SGCD: variants seen among roughly 807,000 people sequenced by gnomAD.
SGCD encodes the protein delta-sarcoglycan.
SGCD carries 18 observed loss-of-function variants against 36.6 expected under a neutral mutation model. The observed-to-expected ratio is 0.49, with a 90% confidence interval of 0.34 to 0.73. The LOEUF is 0.73. Among genes scored for constraint, SGCD ranks in the 30% least tolerant of loss-of-function variants. SGCD has a pLI of 0.01. For missense variants in SGCD, 387 were observed against 346.7 expected (o/e 1.12, Z -0.92); for synonymous variants, 133 against 130.6 (o/e 1.02, Z -0.12).
chr5:156,759,403 A>T lies in SGCD; in HGVS notation c.*13A>T. The T allele has an allele frequency of 1.3e-6, 2 of 1,582,116 alleles. No individual in the cohort carries two copies. The highest frequency in any genetic ancestry group is 1.7e-6 in the Non-Finnish European group (2 of 1,159,672). On this transcript the variant is annotated 3_prime_UTR_variant, in exon 9 of 9. Coordinates refer to ENST00000337851, the MANE Select transcript of SGCD (RefSeq NM_000337.6). ...TGTCTGCCTCTGAAAGACTATCCATAGTGGACATTGTTGGCAGCATAAAGG... is the reference window on the plus strand; with the variant it reads ...TGTCTGCCTCTGAAAGACTATCCATTGTGGACATTGTTGGCAGCATAAAGG...
chr5:156,169,706 C>T (rs1763297584), intron 3 of SGCD, among the ~76,000 whole-genome samples: 1 of 152,122 alleles, frequency 6.6e-6, no homozygotes, highest in African/African-American at 2.4e-5. Flanking sequence ...GTGACATCAG[C>T]AAGTGAGTTC....
At chr5:156,377,409 AAC>A (rs1770726900) in intron 3 of SGCD, among the ~76,000 whole-genome samples, 2 of 152,334 alleles carry the variant, frequency 1.3e-5, no homozygotes, top group Admixed American at 1.3e-4. Context: ...GTATTCTCAC[AAC>A]ACACTATGTT....
intron 7 of SGCD, among the ~76,000 whole-genome samples, chr5:156,686,799 A>C (rs1231414510): frequency 1.3e-5 from 2 of 152,198 alleles, no homozygotes; most frequent in Non-Finnish European, 2.9e-5. Flanking sequence ...GAAATTCTAT[A>C]GGCAAAGCCA....
chr5:156,083,038 A>G (rs774478172), intron 1 of SGCD, among the ~76,000 whole-genome samples: 5 of 151,886 alleles, frequency 3.3e-5, no homozygotes, highest in Non-Finnish European at 7.4e-5. Context: ...ACATCTTTTC[A>G]TATGCTTATC....
chr5:156,491,825 A>G (rs1272766211), intron 3 of SGCD, among the ~76,000 whole-genome samples: 1 of 152,150 alleles, frequency 6.6e-6, no homozygotes, highest in Non-Finnish European at 1.5e-5. Context: ...AGCAAGATCA[A>G]GATTACCCTG....
At chr5:156,148,010 A>T (rs1010502890) in intron 3 of SGCD, among the ~76,000 whole-genome samples, 5 of 152,240 alleles carry the variant, frequency 3.3e-5, no homozygotes, top group Non-Finnish European at 7.3e-5. Context: ...AAATGGTGCC[A>T]CTTGCACTTT....
the SGCD span, among the ~76,000 whole-genome samples, chr5:155,832,796 A>G: frequency 5.9e-5 from 9 of 151,290 alleles, no homozygotes; most frequent in Admixed American, 4.6e-4. Context: ...TATTTTGAAT[A>G]GCATTTTAAA....
At chr5:156,067,712 G>A (rs1439079526) in intron 1 of SGCD, among the ~76,000 whole-genome samples, 5 of 127,896 alleles carry the variant, frequency 3.9e-5, no homozygotes, top group African/African-American at 8.1e-5. Flanking sequence ...TTCCAGGTGC[G>A]ACCATCACCC....
intron 3 of SGCD, among the ~76,000 whole-genome samples, chr5:156,299,320 C>T (rs368140630): frequency 6.6e-6 from 1 of 152,234 alleles, no homozygotes; most frequent in South Asian, 2.1e-4. Context: ...TATGCCAGTA[C>T]CATGCCAATT....
intron 7 of SGCD, among the ~76,000 whole-genome samples, chr5:156,675,374 G>T (rs1485006482): frequency 6.6e-6 from 1 of 152,194 alleles, no homozygotes; most frequent in East Asian, 1.9e-4. Context: ...ACTGGTCCCA[G>T]TGACCAATAA....
chr5:155,946,376 G>T (rs1185621846), intron 1 of SGCD, among the ~76,000 whole-genome samples: 5 of 152,134 alleles, frequency 3.3e-5, no homozygotes, highest in African/African-American at 1.2e-4. Context: ...GGCAGAGACT[G>T]AATTTGAAAC....
chr5:156,530,505 G>A (rs1388060354), intron 4 of SGCD, among the ~76,000 whole-genome samples: 3 of 151,560 alleles, frequency 2.0e-5, no homozygotes, highest in African/African-American at 4.8e-5. Flanking sequence ...GTATTGTCTT[G>A]CCATGTGAAT....
At chr5:156,339,356 T>G (rs906705679) in intron 2 of SGCD, among the ~76,000 whole-genome samples, 2 of 152,230 alleles carry the variant, frequency 1.3e-5, no homozygotes, top group Non-Finnish European at 2.9e-5. Context: ...TGCTTTGGAT[T>G]TAAGCCTGCT....
At chr5:155,994,034 A>G (rs1025042302) in intron 1 of SGCD, among the ~76,000 whole-genome samples, 2 of 152,210 alleles carry the variant, frequency 1.3e-5, no homozygotes, top group African/African-American at 4.8e-5. Context: ...TTTGGAAAAT[A>G]CAATCTGTCC....
chr5:156,018,221 A>C (rs78934331), intron 1 of SGCD, among the ~76,000 whole-genome samples: 2 of 152,174 alleles, frequency 1.3e-5, no homozygotes, highest in African/African-American at 4.8e-5. Context: ...AAATGTTAAG[A>C]TCCTATTTGT....
intron 3 of SGCD, among the ~76,000 whole-genome samples, chr5:156,204,542 A>G (rs1764227721): frequency 6.6e-6 from 1 of 151,946 alleles, no homozygotes; most frequent in Non-Finnish European, 1.5e-5. Context: ...GATTGATACT[A>G]CATGATTACA....
rs149030998 is a variant in SGCD, at chr5:156,587,587, T to C, written c.295-1644T>C. 4.3e-3 allele frequency among the ~76,000 whole-genome samples: 658 copies of C among 152,332 alleles called. 4 individuals carry two copies. Among genetic ancestry groups the C allele is most frequent in the Non-Finnish European group, 4.1e-3 (280 of 68,026 alleles). ...ATGGGTGTTGGCTGCCATTCTGCCA[T>C]GTGCAGGTGACTGGACTGGGCTGGC... On this transcript the variant is annotated intron_variant, in intron 4 of 8. Coordinates refer to ENST00000337851, the MANE Select transcript of SGCD (RefSeq NM_000337.6).
intron 1 of SGCD, among the ~76,000 whole-genome samples, chr5:156,092,551 A>T (rs1265452538): frequency 6.6e-6 from 1 of 152,212 alleles, no homozygotes; most frequent in Non-Finnish European, 1.5e-5. Flanking sequence ...CAACACCATC[A>T]AACAATATTA....
the SGCD span, among the ~76,000 whole-genome samples, chr5:155,742,152 G>C: frequency 6.6e-6 from 1 of 152,124 alleles, no homozygotes; most frequent in East Asian, 1.9e-4. Context: ...GCTTAAATTA[G>C]GGTTTTAAGA....
Sources: gnomAD v4.1 joint callset for allele counts (sites outside exome capture counted in the v4.1 genomes callset) on GRCh38, gnomAD v4.1.1 for gene constraint, MANE v1.5 for transcripts, NCBI Gene and HGNC (gene_info 2026-07-23, HGNC 2026-07-21) for gene names.